Variants in KIAA1958 observed in about 807,000 individuals in gnomAD.
KIAA1958 encodes the protein KIAA1958, also known as uncharacterized protein KIAA1958.
KIAA1958 carries 14 observed loss-of-function variants against 47.2 expected under a neutral mutation model. The ratio of observed to expected loss-of-function variants is 0.30; its 90% confidence interval spans 0.20 to 0.46. The LOEUF is 0.46. Among genes scored for constraint, KIAA1958 ranks in the 20% least tolerant of loss-of-function variants. KIAA1958 has a pLI of 1.00. For synonymous variants in KIAA1958, 354 were observed against 353.3 expected (o/e 1.00, Z -0.02); for missense variants, 803 against 909.2 (o/e 0.88, Z 1.50).
chr9:112,510,537 G>T (rs1834309073), intron 1 of KIAA1958, among the ~76,000 whole-genome samples: 1 of 152,098 alleles, frequency 6.6e-6, no homozygotes, highest in African/African-American at 2.4e-5. Flanking sequence ...GCCACTCCTG[G>T]TCCCTGTTTC....
At chr9:112,596,108 A>G (rs2131195355) in intron 2 of KIAA1958, among the ~76,000 whole-genome samples, 1 of 152,302 alleles carries the variant, frequency 6.6e-6, no homozygotes, top group South Asian at 2.1e-4. Context: ...CATATGGAGT[A>G]TACAGTAAAA....
In KIAA1958 at chr9:112,659,776, G is replaced by A; in HGVS notation, c.1858G>A (p.Glu620Lys). 2 of 1,614,172 alleles carry A rather than the reference G, an allele frequency of 1.2e-6. No homozygotes were observed. Among genetic ancestry groups the A allele is most frequent in the Non-Finnish European group, 1.7e-6 (2 of 1,180,036 alleles). Residue 620 changes from glutamate (E) to lysine (K), a missense_variant, in exon 4 of 4, where the codon GAG (glutamate) becomes AAG (lysine). Glu to Lys is a moderately conservative substitution (Grantham distance 56). This residue lies in a region of KIAA1958 where 761 missense variants were observed against 829.3 expected (regional missense o/e 0.92). Coordinates refer to ENST00000337530, the MANE Select transcript of KIAA1958 (RefSeq NM_133465.4). The stretch of plus-strand genomic sequence containing the variant: ...AGTGTGTCACGGGAAGATCTACCAT[G>A]AGCATTCCCGGGGACACAAACAGTG... Reference protein sequence around the residue: ...TRVCHGKIYHEHSRGHKQCPY... With the variant: ...TRVCHGKIYHKHSRGHKQCPY...
intron 2 of KIAA1958, among the ~76,000 whole-genome samples, chr9:112,600,525 CTCT>C (rs1836111990): frequency 6.6e-6 from 1 of 152,210 alleles, no homozygotes; most frequent in African/African-American, 2.4e-5. Context: ...CACATAGTGT[CTCT>C]TCTTACAGTG....
At position 112,666,359 on chromosome 9, in the gene KIAA1958, C is replaced by T. The variant is rs1289868833; in HGVS notation, c.*6290C>T. 6.6e-6 allele frequency: 1 copy of T among 152,000 alleles called. No homozygotes were observed. The highest frequency in any genetic ancestry group is 1.5e-5 in the Non-Finnish European group (1 of 68,016). 9.4% of individuals were successfully genotyped at this position (152,000 alleles called of 1,614,324 possible). A position where few individuals can be genotyped will look rare whatever the true frequency, so the allele number is the denominator to read the frequency against. ...ACTCTGAGATCATCTAGTCAAATTC[C>T]CCCATTTTATCAATAAGGAAATTTA... On this transcript the variant is annotated 3_prime_UTR_variant, in exon 4 of 4. Coordinates refer to ENST00000337530, the MANE Select transcript of KIAA1958 (RefSeq NM_133465.4).
intron 2 of KIAA1958, among the ~76,000 whole-genome samples, chr9:112,577,745 CATT>C (rs1269578365): frequency 6.8e-6 from 1 of 146,406 alleles, no homozygotes; most frequent in African/African-American, 2.5e-5. Context: ...ATTACTGTCT[CATT>C]ATTTTGGGAA....
chr9:112,575,810 T>G (rs775041916), intron 2 of KIAA1958, among the ~76,000 whole-genome samples: 1 of 152,188 alleles, frequency 6.6e-6, no homozygotes, highest in Non-Finnish European at 1.5e-5. Flanking sequence ...TATGGAAACT[T>G]GCATTTCTGG....
chr9:112,592,268 A>AT (rs1430367326), intron 2 of KIAA1958, among the ~76,000 whole-genome samples: 1 of 152,200 alleles, frequency 6.6e-6, no homozygotes, highest in East Asian at 1.9e-4. Context: ...TAGAACTCAT[A>AT]TCTAACAGGG....
intron 3 of KIAA1958, among the ~76,000 whole-genome samples, chr9:112,647,524 A>T (rs1836996485): frequency 6.6e-6 from 1 of 152,236 alleles, no homozygotes; most frequent in South Asian, 2.1e-4. Flanking sequence ...GAGGATGAAT[A>T]AAAACAACAA....
Position 112,545,825 on chromosome 9 carries a change from GTTTT to G in KIAA1958, c.-24-28214_-24-28211del, listed in dbSNP as rs768489084. ...TCTTTAGTGATACACAGGTTTCTTT[GTTTT>G]TTTTTTTTTTTTTTTTTAGTGAATT... On this transcript the variant is annotated intron_variant, in intron 1 of 3. Transcript: ENST00000337530. Among the ~76,000 whole-genome samples, 255 of 93,058 alleles carry G rather than the reference GTTTT, an allele frequency of 2.7e-3. 4 individuals are homozygous for G. Among genetic ancestry groups the G allele is most frequent in the African/African-American group, 9.9e-3 (240 of 24,348 alleles). The allele number at this position is 93,058 out of a possible 152,430, so 61.0% of individuals were successfully genotyped here.
chr9:112,487,652 A>G (rs964944447), intron 1 of KIAA1958, among the ~76,000 whole-genome samples: 1 of 152,086 alleles, frequency 6.6e-6, no homozygotes, highest in Non-Finnish European at 1.5e-5. Flanking sequence ...AGGAACGTGC[A>G]TGGCTTCGCT....
intron 2 of KIAA1958, among the ~76,000 whole-genome samples, chr9:112,576,396 G>A (rs554159192): frequency 3.3e-5 from 5 of 152,160 alleles, no homozygotes; most frequent in South Asian, 4.2e-4. Context: ...CTTTTAAAGT[G>A]TACAGTTCAG....
rs746434675 is a variant in KIAA1958 at position 112,666,187 on chromosome 9, G to A, written c.*6118G>A. 1 of 152,032 alleles carries A rather than the reference G, an allele frequency of 6.6e-6. No individual in the cohort carries two copies. The highest frequency in any genetic ancestry group is 2.4e-5 in the African/African-American group (1 of 41,388). 9.4% of individuals were successfully genotyped at this position (152,032 alleles called of 1,614,324 possible). A position where few individuals can be genotyped will look rare whatever the true frequency, so the allele number is the denominator to read the frequency against. On this transcript the variant is annotated 3_prime_UTR_variant, in exon 4 of 4. Coordinates refer to ENST00000337530, the MANE Select transcript of KIAA1958 (RefSeq NM_133465.4). ...GGGTTTCATCATGTTGGCCAGGCTG[G>A]TCTCGAACTCCGACCTCAGTGATCC...
intron 2 of KIAA1958, 62 bp downstream of exon 2, chr9:112,575,313 G>A: frequency 8.4e-7 from 1 of 1,183,732 alleles, no homozygotes; most frequent in Non-Finnish European, 1.2e-6. Context: ...TGCGCCGTCA[G>A]CACTTCTAAA....
intron 1 of KIAA1958, among the ~76,000 whole-genome samples, chr9:112,518,744 A>G (rs1265026912): frequency 6.6e-6 from 1 of 152,190 alleles, no homozygotes; most frequent in Non-Finnish European, 1.5e-5. Flanking sequence ...ATATTCCAAT[A>G]AAGGCATTTT....
At position 112,659,465 on chromosome 9, in the gene KIAA1958, T is replaced by C. The variant is rs1429460506; in HGVS notation, c.1547T>C (p.Val516Ala). 3 of 1,613,688 alleles carry C rather than the reference T, an allele frequency of 1.9e-6. No individual in the cohort carries two copies. The highest frequency in any genetic ancestry group is 2.7e-5 in the African/African-American group (2 of 74,830). Reference protein sequence around the residue: ...STKKLKEKLWVLSKAGMSGAR... With the variant: ...STKKLKEKLWALSKAGMSGAR... ...AAGAAACTCAAGGAGAAGCTGTGGG[T>C]GCTGAGTAAGGCAGGCATGTCGGGC... is the stretch of plus-strand genomic sequence containing the variant. Residue 516 changes from valine to alanine, a missense_variant, in exon 4 of 4, where the codon GTG becomes GCG. Coordinates refer to ENST00000337530, the MANE Select transcript of KIAA1958 (RefSeq NM_133465.4).
intron 2 of KIAA1958, among the ~76,000 whole-genome samples, chr9:112,635,260 G>GTGTGTGTA (rs1836786271): frequency 1.6e-5 from 2 of 128,524 alleles, no homozygotes; most frequent in African/African-American, 5.7e-5. Flanking sequence ...GTGTGTGTGT[G>GTGTGTGTA]TGTGTTTTGA....
intron 1 of KIAA1958, among the ~76,000 whole-genome samples, chr9:112,511,524 A>G (rs185055997): frequency 6.6e-6 from 1 of 152,356 alleles, no homozygotes; most frequent in East Asian, 1.9e-4. Context: ...AGCTACATAA[A>G]GAAGTGAGGA....
intron 2 of KIAA1958, among the ~76,000 whole-genome samples, chr9:112,607,094 T>C (rs1208370983): frequency 2.0e-4 from 30 of 152,156 alleles, no homozygotes; most frequent in Non-Finnish European, 2.9e-5. Context: ...CTGTGGTTCA[T>C]GCCTGTAATC....
intron 2 of KIAA1958, among the ~76,000 whole-genome samples, chr9:112,621,211 T>G (rs768936933): frequency 6.6e-6 from 1 of 152,168 alleles, no homozygotes; most frequent in African/African-American, 2.4e-5. Context: ...TGTCCTCTAG[T>G]CCTCTCCCAC....
Sources: gnomAD v4.1 joint callset for allele counts (sites outside exome capture counted in the v4.1 genomes callset) on GRCh38, gnomAD v4.1.1 for gene constraint, gnomAD v4.1.1 regional missense constraint, MANE v1.5 for transcripts, NCBI Gene and HGNC (gene_info 2026-07-23, HGNC 2026-07-21) for gene names.